HSP90B1: variants seen among roughly 807,000 people sequenced by gnomAD.
HSP90B1 encodes the protein heat shock protein 90 beta family member 1, also known as endoplasmin.
Under a neutral mutation model 100.4 loss-of-function variants are expected in HSP90B1, and 27 were observed. That is an observed-to-expected ratio of 0.27 (90% CI 0.20 to 0.37). The LOEUF is 0.37. HSP90B1 is among the 10% of genes least tolerant of loss of function. HSP90B1 has a pLI of 1.00. For missense variants in HSP90B1, 678 were observed against 960.5 expected, an observed-to-expected ratio of 0.71 and a Z score of 3.89; for synonymous variants, 304 against 330.8, an observed-to-expected ratio of 0.92 and a Z score of 0.88.
intron 5 of HSP90B1, among the ~76,000 whole-genome samples, chr12:103,936,252 AAG>A (rs1316069543): frequency 2.0e-5 from 3 of 152,342 alleles, no homozygotes; most frequent in Non-Finnish European, 4.4e-5. Context: ...ACAAGAAAGA[AAG>A]AGCCAGCTAG....
intron 11 of HSP90B1, 87 bp from the exon 12 acceptor site, chr12:103,942,440 T>C: frequency 8.2e-7 from 1 of 1,217,076 alleles, no homozygotes; most frequent in Non-Finnish European, 1.2e-6. Context: ...ATCGTCTTTG[T>C]GTTTTTCACA....
At chr12:103,944,940 T>A (rs1416719035) in intron 14 of HSP90B1, among the ~76,000 whole-genome samples, 1 of 152,248 alleles carries the variant, frequency 6.6e-6, no homozygotes, top group Non-Finnish European at 1.5e-5. Flanking sequence ...CTTTTAACTA[T>A]AAATTTCATG....
chr12:103,942,996 A>G, intron 12 of HSP90B1, 78 bp from the exon 13 acceptor site: 1 of 1,555,148 alleles, frequency 6.4e-7, no homozygotes, highest in Non-Finnish European at 8.7e-7. Flanking sequence ...TTAATAATGT[A>G]TAAACATAGC....
Position 103,931,633 on chromosome 12 carries a change from C to T in HSP90B1, c.152+10C>T. 6.3e-7 allele frequency: 1 copy of T among 1,582,780 alleles called. No homozygotes were observed. The highest frequency in any genetic ancestry group is 8.7e-7 in the Non-Finnish European group (1 of 1,152,132). ...ATGAAGTAGTACAGAGGTTTGTGTT[C>T]ATTTGAACTTACGTATACAGATAAG... On this transcript the variant is annotated intron_variant, in intron 2 of 17. Transcript: ENST00000299767.
chr12:103,933,013 C>A, intron 4 of HSP90B1, 71 bp downstream of exon 4: 1 of 824,332 alleles, frequency 1.2e-6, no homozygotes, highest in Non-Finnish European at 2.1e-6. Context: ...CCCTATCAGT[C>A]AAGATAGGCT....
rs758769750 is a variant in HSP90B1, at chr12:103,933,931, T to C, written c.412-25T>C. On this transcript the variant is annotated intron_variant, in intron 4 of 17. Coordinates refer to ENST00000299767, the MANE Select transcript of HSP90B1 (RefSeq NM_003299.3). ...GCATAATGTAAATATTAAATACAAC[T>C]ATCTGGTTCTTGTCTTGCATTTAGT... 41 of 1,568,422 alleles carry C rather than the reference T, an allele frequency of 2.6e-5. No individual in the cohort carries two copies. In the East Asian group the frequency reaches 9.0e-4, roughly 34 times the overall value.
rs767649536 is a variant in HSP90B1, at chr12:103,946,627, G to C, written c.2037G>C (p.Ala679=). 14 of 1,612,274 alleles carry C rather than the reference G, an allele frequency of 8.7e-6. No individual in the cohort carries two copies. The highest frequency in any genetic ancestry group is 4.4e-5 in the South Asian group (4 of 90,974). ...TGKDISTNYY[A]SQKKTFEINP... ...TTTTATCTCTTAACAGTTACTATGC[G>C]AGTCAGAAGAAAACATTTGAAATTA... The change falls in exon 15 of 18, where the codon GCG becomes GCC. Residue 679 remains alanine (A), a synonymous_variant. Transcript: ENST00000299767.
chr12:103,946,645 T>A lies in HSP90B1; in HGVS notation c.2055T>A (p.Phe685Leu). ...ACTATGCGAGTCAGAAGAAAACATT[T>A]GAAATTAATCCCAGACACCCGCTGA... is the stretch of plus-strand genomic sequence containing the variant. The part of the protein sequence containing the change: ...TNYYASQKKT[F>L]EINPRHPLIR... The change falls in exon 15 of 18, where the codon TTT (phenylalanine) becomes TTA (leucine). Residue 685 changes from phenylalanine (F) to leucine (L), a missense_variant. Coordinates refer to ENST00000299767, the MANE Select transcript of HSP90B1 (RefSeq NM_003299.3). The A allele has an allele frequency of 6.2e-7, 1 of 1,614,008 alleles. No individual in the cohort carries two copies. Among genetic ancestry groups the A allele is most frequent in the Non-Finnish European group, 8.5e-7 (1 of 1,179,878 alleles).
chr12:103,941,811 A>G (rs1870087927), intron 10 of HSP90B1, 21 bp from the exon 11 acceptor site: 8 of 1,612,490 alleles, frequency 5.0e-6, no homozygotes, highest in Non-Finnish European at 6.8e-6. Context: ...TGCTCACTGA[A>G]CTTTCTTTTG....
intron 2 of HSP90B1, chr12:103,931,843 C>A: frequency 3.5e-6 from 2 of 575,802 alleles, no homozygotes; most frequent in South Asian, 1.6e-5. Context: ...ATACTAGCAC[C>A]ATAAACTTTG....
At chr12:103,939,249 G>GCCACCAACAGACACACC (rs1436455341) in intron 7 of HSP90B1, among the ~76,000 whole-genome samples, 1 of 151,840 alleles carries the variant, frequency 6.6e-6, no homozygotes, top group African/African-American at 2.4e-5. Context: ...ACAGACACAC[G>GCCACCAACAGACACACC]CCACCATGAC....
At position 103,931,680 on chromosome 12, in the gene HSP90B1, C is replaced by T. The variant is rs773550696; in HGVS notation, c.152+57C>T. ...TAAGCCGTGTGAACCTTGTGAGTTACGGTCACTTCTTATGTATCTCTTCTC... is the reference window on the plus strand; with the variant it reads ...TAAGCCGTGTGAACCTTGTGAGTTATGGTCACTTCTTATGTATCTCTTCTC... On this transcript the variant is annotated intron_variant, in intron 2 of 17. Transcript: ENST00000299767. The T allele has an allele frequency of 2.0e-5, 24 of 1,225,682 alleles. No individual in the cohort carries two copies. In the South Asian group the frequency reaches 2.2e-4, roughly 11 times the overall value. 75.9% of individuals were successfully genotyped at this position (1,225,682 alleles called of 1,614,324 possible). A position where few individuals can be genotyped will look rare whatever the true frequency, so the allele number is the denominator to read the frequency against.
rs1870110423 is a variant in HSP90B1 at position 103,942,597 on chromosome 12, A to G, written c.1445A>G (p.Asp482Gly). The change falls in exon 12 of 18, where the codon GAT becomes GGT. Residue 482 changes from aspartate (D) to glycine (G), a missense_variant. Transcript: ENST00000299767. ...IKKIADDKYN[D>G]TFWKEFGTNI... Reference sequence around the variant, plus strand: ...AAGATTGCTGATGATAAATACAATGATACTTTTTGGAAAGAATTTGGTACC... The same window carrying G: ...AAGATTGCTGATGATAAATACAATGGTACTTTTTGGAAAGAATTTGGTACC... 6.2e-7 allele frequency: 1 copy of G among 1,613,900 alleles called. No individual in the cohort carries two copies. Among genetic ancestry groups the G allele is most frequent in the Non-Finnish European group, 8.5e-7 (1 of 1,179,864 alleles).
In HSP90B1 at chr12:103,947,690, G is replaced by C. The variant is rs1227169064; in HGVS notation, c.*28G>C. The C allele has an allele frequency of 6.4e-7, 1 of 1,570,858 alleles. No homozygotes were observed. The highest frequency in any genetic ancestry group is 8.8e-7 in the Non-Finnish European group (1 of 1,141,010). On this transcript the variant is annotated 3_prime_UTR_variant, in exon 18 of 18. Coordinates refer to ENST00000299767, the MANE Select transcript of HSP90B1 (RefSeq NM_003299.3). Reference sequence around the variant, plus strand: ...TATACTCTCACCATTTGGATCCTGTGTGGAGAGGGAATGTGAAATTTACAT... The same window carrying C: ...TATACTCTCACCATTTGGATCCTGTCTGGAGAGGGAATGTGAAATTTACAT...
At chr12:103,935,468 C>A (rs1019505158) in intron 5 of HSP90B1, among the ~76,000 whole-genome samples, 3 of 119,812 alleles carry the variant, frequency 2.5e-5, no homozygotes, top group Non-Finnish European at 5.6e-5. Flanking sequence ...TTTCTTAATT[C>A]AGTTTTAAGT....
At chr12:103,933,604 T>C (rs753950705) in intron 4 of HSP90B1, among the ~76,000 whole-genome samples, 6 of 152,250 alleles carry the variant, frequency 3.9e-5, no homozygotes, top group Non-Finnish European at 7.3e-5. Context: ...AGATTCCAAA[T>C]AGAGGAATCA....
chr12:103,930,550 T>C lies in HSP90B1; in HGVS notation c.35T>C (p.Val12Ala). 6.2e-7 allele frequency: 1 copy of C among 1,610,514 alleles called. No homozygotes were observed. Among genetic ancestry groups the C allele is most frequent in the Admixed American group, 1.7e-5 (1 of 59,684 alleles). ...RALWVLGLCC[V>A]LLTFGSVRAD... ...CTGTGGGTGCTGGGCCTCTGCTGCGTCCTGCTGACCTTCGGTGAGTGATTC... is the reference window on the plus strand; with the variant it reads ...CTGTGGGTGCTGGGCCTCTGCTGCGCCCTGCTGACCTTCGGTGAGTGATTC... The change falls in exon 1 of 18, where the codon GTC becomes GCC. Residue 12 changes from valine (V) to alanine (A), a missense_variant. By Grantham distance (64) the Val-to-Ala change is moderately conservative. This residue lies in a region of HSP90B1 where 88 missense variants were observed against 88.2 expected (regional missense o/e 1.00). Transcript: ENST00000299767. The surrounding 1 kb of genome is among the most constrained non-coding windows in gnomAD (Gnocchi z 4.4).
In HSP90B1 at chr12:103,932,752, G is replaced by T. The variant is rs1566164883; in HGVS notation, c.295-74G>T. 7 of 812,652 alleles carry T rather than the reference G, an allele frequency of 8.6e-6. No homozygotes were observed. The East Asian group carries it at 1.7e-4, about 20-fold the overall frequency. The allele number at this position is 812,652 out of a possible 1,614,324, so 50.3% of individuals were successfully genotyped here. ...ATAAGGTACAGAGAAGAAATAAATG[G>T]GTTTGGCATAAAATCGAATATCTTA... On this transcript the variant is annotated intron_variant, in intron 3 of 17. Coordinates refer to ENST00000299767, the MANE Select transcript of HSP90B1 (RefSeq NM_003299.3).
chr12:103,932,500 G>A, intron 3 of HSP90B1, 82 bp downstream of exon 3: 1 of 1,221,180 alleles, frequency 8.2e-7, no homozygotes, highest in Non-Finnish European at 1.2e-6. Flanking sequence ...TACTGCAAAA[G>A]TAATGTAGTA....
Sources: gnomAD v4.1 joint callset for allele counts (sites outside exome capture counted in the v4.1 genomes callset) on GRCh38, gnomAD v4.1.1 for gene constraint, gnomAD v4.1.1 regional missense constraint, Gnocchi (gnomAD v3.1) non-coding constraint, MANE v1.5 for transcripts, NCBI Gene and HGNC (gene_info 2026-07-23, HGNC 2026-07-21) for gene names.